The following CNTNAP2 variants were observed in gnomAD, a reference collection of about 807,000 sequenced individuals.
CNTNAP2 encodes contactin associated protein 2.
A neutral mutation model predicts 155.2 loss-of-function variants in CNTNAP2; 98 were observed. The observed-to-expected ratio is 0.63, with a 90% CI of 0.54 to 0.75. The LOEUF is 0.75. Ranked by LOEUF, CNTNAP2 falls within the 30% of genes least tolerant of loss-of-function variation. CNTNAP2 has a pLI of 0.00. For synonymous variants in CNTNAP2, 651 were observed against 631.2 expected (o/e 1.03, Z -0.47); for missense variants, 1,727 against 1,688.1 (o/e 1.02, Z -0.40).
intron 1 of CNTNAP2, among the ~76,000 whole-genome samples, chr7:146,246,493 G>A (rs988723685): frequency 3.3e-5 from 5 of 150,140 alleles, no homozygotes; most frequent in Admixed American, 3.3e-4. Context: ...TGGAGGCAAG[G>A]GAAACAGGCC....
intron 15 of CNTNAP2, among the ~76,000 whole-genome samples, chr7:148,078,940 A>T (rs1429378341): frequency 6.6e-6 from 1 of 152,222 alleles, no homozygotes; most frequent in East Asian, 1.9e-4. Context: ...CAACCTATGA[A>T]CAGTATTTGT....
chr7:146,734,950 G>A (rs901423239), intron 1 of CNTNAP2, among the ~76,000 whole-genome samples: 3 of 152,078 alleles, frequency 2.0e-5, no homozygotes, highest in South Asian at 2.1e-4. Context: ...GGAGTACAGC[G>A]TGTATATATT....
intron 13 of CNTNAP2, among the ~76,000 whole-genome samples, chr7:147,755,461 C>G (rs1271365977): frequency 2.6e-5 from 4 of 152,076 alleles, no homozygotes; most frequent in Admixed American, 2.6e-4. Context: ...TTGAGACCAA[C>G]CTGCTCAATA....
intron 1 of CNTNAP2, among the ~76,000 whole-genome samples, chr7:146,745,462 G>A (rs1009970938): frequency 1.3e-5 from 2 of 152,046 alleles, no homozygotes; most frequent in African/African-American, 4.8e-5. Flanking sequence ...TATAAACAAA[G>A]GTATACTGAC....
At chr7:147,164,515 T>C (rs1396169735) in intron 8 of CNTNAP2, among the ~76,000 whole-genome samples, 1 of 152,240 alleles carries the variant, frequency 6.6e-6, no homozygotes, top group African/African-American at 2.4e-5. Context: ...TGTACATATT[T>C]ATGGAGTACA....
At chr7:147,583,674 A>G (rs55843999) in intron 12 of CNTNAP2, among the ~76,000 whole-genome samples, 2,770 of 152,036 alleles carry the variant, frequency 0.018, 88 homozygotes, top group African/African-American at 0.063. Flanking sequence ...TCACATGTCC[A>G]CATTGTGGGG....
intron 8 of CNTNAP2, among the ~76,000 whole-genome samples, chr7:147,200,945 T>C (rs899982423): frequency 2.0e-5 from 3 of 152,204 alleles, no homozygotes; most frequent in African/African-American, 7.2e-5. Flanking sequence ...AATTGAAGTA[T>C]TTTCAACTGA....
intron 2 of CNTNAP2, chr7:146,787,026 TTAAG>T (rs1802585404): frequency 6.6e-6 from 1 of 152,232 alleles, no homozygotes; most frequent in South Asian, 2.1e-4. Flanking sequence ...TAATGCATAA[TTAAG>T]CGTGTTCTAT....
At chr7:146,941,292 GC>G (rs1183100881) in intron 3 of CNTNAP2, among the ~76,000 whole-genome samples, 4 of 151,926 alleles carry the variant, frequency 2.6e-5, no homozygotes, top group Admixed American at 1.3e-4. Flanking sequence ...TTATCATGAA[GC>G]TTGCAAAAGT....
intron 8 of CNTNAP2, among the ~76,000 whole-genome samples, chr7:147,203,196 G>T (rs1019322260): frequency 3.3e-5 from 5 of 152,026 alleles, no homozygotes; most frequent in Non-Finnish European, 4.4e-5. Flanking sequence ...ACTCATTTCT[G>T]ATTAAAATTT....
intron 1 of CNTNAP2, among the ~76,000 whole-genome samples, chr7:146,430,943 A>T (rs1324096227): frequency 6.6e-6 from 1 of 151,994 alleles, no homozygotes; most frequent in East Asian, 1.9e-4. Context: ...GACATAGCAG[A>T]TGTTCTGTTA....
chr7:147,203,490 C>T (rs1355157043), intron 8 of CNTNAP2, among the ~76,000 whole-genome samples: 1 of 152,170 alleles, frequency 6.6e-6, no homozygotes, highest in Non-Finnish European at 1.5e-5. Flanking sequence ...CCTCGGCCTT[C>T]CAAAGTGCTG....
In CNTNAP2 at chr7:146,600,802, A is replaced by G. The variant is rs559008074; in HGVS notation, c.98-173469A>G. On this transcript the variant is annotated intron_variant, in intron 1 of 23. Transcript: ENST00000361727. ...TCCAAAACCTAGCTTAGTACTTGAC[A>G]TATAATAGCTGGTCAGTAAATTTGC... 1.2e-4 allele frequency among the ~76,000 whole-genome samples: 18 copies of G among 152,298 alleles called. No homozygotes were observed. The South Asian group carries it at 1.2e-3, about 11-fold the overall frequency.
intron 1 of CNTNAP2, among the ~76,000 whole-genome samples, chr7:146,722,618 T>C (rs985993982): frequency 5.3e-5 from 8 of 152,106 alleles, no homozygotes; most frequent in Non-Finnish European, 8.8e-5. Flanking sequence ...ATATTTACTA[T>C]GTAAGTGACA....
intron 11 of CNTNAP2, among the ~76,000 whole-genome samples, chr7:147,512,762 A>G (rs1799044404): frequency 1.3e-5 from 2 of 152,212 alleles, no homozygotes; most frequent in South Asian, 2.1e-4. Context: ...TTAGAATTGT[A>G]TAGCAAGCAA....
Position 147,321,753 on chromosome 7 carries a change from G to A in CNTNAP2, c.1498+21463G>A, listed in dbSNP as rs903166512. Among the ~76,000 whole-genome samples, 23 of 152,226 alleles carry A rather than the reference G, an allele frequency of 1.5e-4. 1 individual carries two copies. The highest frequency in any genetic ancestry group is 6.8e-3 in the Middle Eastern group (2 of 294). ...ACAATATAACCAAATATTTAGCTAC[G>A]GTATAACAAAGATCTCAGCTTTCCA... On this transcript the variant is annotated intron_variant, in intron 9 of 23. Coordinates refer to ENST00000361727, the MANE Select transcript of CNTNAP2 (RefSeq NM_014141.6).
intron 12 of CNTNAP2, among the ~76,000 whole-genome samples, chr7:147,566,089 T>G (rs1800163908): frequency 6.8e-6 from 1 of 148,034 alleles, no homozygotes; most frequent in Admixed American, 6.8e-5. Context: ...AAGACCAGCC[T>G]TGGCAACATG....
intron 13 of CNTNAP2, chr7:147,704,267 A>T (rs967573509): frequency 1.0e-4 from 16 of 154,616 alleles, no homozygotes; most frequent in Admixed American, 9.2e-4. Flanking sequence ...TTTTCTCCCT[A>T]AAAAAATACA....
rs145389850 is a variant in CNTNAP2 at position 148,055,837 on chromosome 7, A to G, written c.2384-62281A>G. On this transcript the variant is annotated intron_variant, in intron 15 of 23. Transcript: ENST00000361727. ...CACCATTCCTATCGCCTTCTTTTAA[A>G]TGAAGGAGGCAGTGGGTTTCTTATA... 5.3e-5 allele frequency among the ~76,000 whole-genome samples: 8 copies of G among 152,306 alleles called. No homozygotes were observed. The East Asian group carries it at 1.5e-3, about 29-fold the overall frequency.
Sources: allele counts gnomAD v4.1 joint callset (sites outside exome capture counted in the v4.1 genomes callset), GRCh38; gene constraint gnomAD v4.1.1; transcripts MANE v1.5; gene names NCBI Gene and HGNC (gene_info 2026-07-23, HGNC 2026-07-21).